The following TENM3 variants were observed in gnomAD, a reference collection of about 807,000 sequenced individuals.
TENM3 encodes the protein teneurin-3.
TENM3 carries 63 observed loss-of-function variants against 255.1 expected under a neutral mutation model. The ratio of observed to expected loss-of-function variants is 0.25; its 90% CI spans 0.20 to 0.30. TENM3 has a LOEUF of 0.30. TENM3 is among the 10% of genes least tolerant of loss of function. The pLI is 1.00. For synonymous variants in TENM3, 1,306 were observed against 1,322.3 expected (o/e 0.99, Z 0.27); for missense variants, 2,929 against 3,461.1 (o/e 0.85, Z 3.86).
the TENM3 span, among the ~76,000 whole-genome samples, chr4:181,695,432 A>G: frequency 6.6e-6 from 1 of 152,214 alleles, no homozygotes; most frequent in Non-Finnish European, 1.5e-5. Flanking sequence ...GTTTTCATTA[A>G]TTACTGTATA....
At chr4:182,672,944 CTT>C (rs1163836714) in intron 6 of TENM3, 59 bp from the exon 7 acceptor site, 40 of 1,263,110 alleles carry the variant, frequency 3.2e-5, no homozygotes, top group Middle Eastern at 2.7e-4. Context: ...GTTTAAAAAC[CTT>C]TTTTGTTTTG....
the TENM3 span, among the ~76,000 whole-genome samples, chr4:181,886,930 G>A: frequency 5.3e-5 from 8 of 152,088 alleles, no homozygotes; most frequent in Non-Finnish European, 1.5e-5. Context: ...CCTTTACCAT[G>A]AGGAAAGTTT....
intron 3 of TENM3, among the ~76,000 whole-genome samples, chr4:182,581,429 A>T (rs182770869): frequency 1.0e-3 from 155 of 152,294 alleles, no homozygotes; most frequent in Non-Finnish European, 1.9e-3. Context: ...TAACTCTAAT[A>T]ATCCCTTAAG....
the TENM3 span, among the ~76,000 whole-genome samples, chr4:181,756,694 A>G: frequency 6.6e-6 from 1 of 152,218 alleles, no homozygotes; most frequent in South Asian, 2.1e-4. Context: ...AGCAAATGTT[A>G]GGGCTAACAA....
the TENM3 span, among the ~76,000 whole-genome samples, chr4:181,803,976 GGAAA>G: frequency 1.4e-3 from 197 of 142,118 alleles, no homozygotes; most frequent in Middle Eastern, 3.5e-3. Context: ...GAAAAAGAAA[GGAAA>G]GAAAGAAAGA....
At chr4:182,203,830 A>T (rs1051906366) in intron 1 of TENM3, among the ~76,000 whole-genome samples, 2 of 152,242 alleles carry the variant, frequency 1.3e-5, no homozygotes, top group Non-Finnish European at 2.9e-5. Flanking sequence ...TTGCCTGGGC[A>T]TATGGCCTCA....
chr4:181,772,074 A>G, the TENM3 span, among the ~76,000 whole-genome samples: 1 of 152,162 alleles, frequency 6.6e-6, no homozygotes, highest in East Asian at 1.9e-4. Context: ...AATTTATGAT[A>G]TGACTGTACT....
intron 9 of TENM3, 97 bp downstream of exon 9, chr4:182,680,446 G>GGA (rs1756075225): frequency 1.5e-6 from 2 of 1,378,910 alleles, no homozygotes; most frequent in African/African-American, 1.4e-5. Context: ...AAGGGGGGGG[G>GGA]AGACTGGCAT....
chr4:182,234,241 C>A (rs6815787), intron 1 of TENM3, among the ~76,000 whole-genome samples: 14,663 of 152,092 alleles, frequency 0.096, 742 homozygotes, highest in East Asian at 0.16. Context: ...AAAGTTCGTT[C>A]ATCCACAGAG....
rs369128438 is a variant in TENM3 at position 182,293,911 on chromosome 4, T to C, written c.-75-30035T>C. On this transcript the variant is annotated intron_variant, in intron 1 of 27. Transcript: ENST00000511685. ...ACCCTCCCAGGGGACATTTGCATTT[T>C]AAAAGAGGAGCTTGTTAACCCAAAT... is the stretch of plus-strand genomic sequence containing the variant. Among the ~76,000 whole-genome samples the C allele has an allele frequency of 8.5e-5, 13 of 152,294 alleles. 1 individual carries two copies. In the South Asian group the frequency reaches 2.3e-3, roughly 27 times the overall value.
chr4:182,283,160 T>C (rs1760505633), intron 1 of TENM3, among the ~76,000 whole-genome samples: 1 of 152,190 alleles, frequency 6.6e-6, no homozygotes, highest in Admixed American at 6.5e-5. Context: ...AATCTGCTCC[T>C]TTTTCCTTTT....
At chr4:182,714,264 G>T (rs1215929814) in intron 13 of TENM3, 31 bp downstream of exon 13, 1 of 1,497,776 alleles carries the variant, frequency 6.7e-7, no homozygotes, top group Non-Finnish European at 9.0e-7. Context: ...ACACGAGTCT[G>T]TGCCAGAGCA....
At chr4:182,333,651 G>A (rs13125392) in intron 2 of TENM3, among the ~76,000 whole-genome samples, 112,041 of 152,122 alleles carry the variant, frequency 0.74, 41,624 homozygotes, top group African/African-American at 0.82. Flanking sequence ...GGACATTTCA[G>A]TTGAAATAGG....
At chr4:182,743,809 A>G (rs1761785128) in intron 19 of TENM3, among the ~76,000 whole-genome samples, 1 of 152,214 alleles carries the variant, frequency 6.6e-6, no homozygotes, top group African/African-American at 2.4e-5. Context: ...TCAGGACCTG[A>G]TATTAAATGG....
At chr4:182,123,230 G>A in the TENM3 span, among the ~76,000 whole-genome samples, 1 of 152,168 alleles carries the variant, frequency 6.6e-6, no homozygotes, top group East Asian at 1.9e-4. Flanking sequence ...TATCAGCAGT[G>A]AAGCTGTTTC....
chr4:182,240,338 G>A (rs761782138), upstream of TENM3, among the ~76,000 whole-genome samples: 1 of 152,122 alleles, frequency 6.6e-6, no homozygotes, highest in East Asian at 1.9e-4. Flanking sequence ...AGAGAGACAC[G>A]TTCCTACGAG....
chr4:182,212,451 C>T (rs1171752215), intron 1 of TENM3, among the ~76,000 whole-genome samples: 2 of 152,090 alleles, frequency 1.3e-5, no homozygotes, highest in East Asian at 1.9e-4. Flanking sequence ...GCTGAAGTCT[C>T]TCTTGTACTC....
the TENM3 span, among the ~76,000 whole-genome samples, chr4:181,544,202 A>G: frequency 6.6e-6 from 1 of 152,050 alleles, no homozygotes; most frequent in South Asian, 2.1e-4. Flanking sequence ...ATATCAAGGT[A>G]AAAATGATAT....
chr4:181,908,312 G>C, the TENM3 span, among the ~76,000 whole-genome samples: 5 of 152,172 alleles, frequency 3.3e-5, no homozygotes, highest in African/African-American at 1.2e-4. Flanking sequence ...TCTGTCCTCA[G>C]TCTGGCAGCT....
Sources: allele counts gnomAD v4.1 joint callset (sites outside exome capture counted in the v4.1 genomes callset), GRCh38; gene constraint gnomAD v4.1.1; transcripts MANE v1.5; gene names NCBI Gene and HGNC (gene_info 2026-07-23, HGNC 2026-07-21).